Variants in PFKP observed in about 807,000 individuals in gnomAD.
PFKP encodes the protein ATP-dependent 6-phosphofructokinase, platelet type.
Under a neutral mutation model 94.3 loss-of-function variants are expected in PFKP, and 101 were observed. The ratio of observed to expected loss-of-function variants is 1.07; its 90% CI spans 0.91 to 1.26. The LOEUF is 1.26. Ranked by LOEUF, PFKP falls within the 50% of genes most tolerant of loss-of-function variation. The pLI, the probability that PFKP is intolerant of heterozygous loss-of-function variation, is 0.00. For synonymous variants in PFKP, 573 were observed against 432.6 expected (o/e 1.32, Z -4.03); for missense variants, 1,145 against 1,103.3 (o/e 1.04, Z -0.53).
chr10:3,067,757 G>C, intron 1 of PFKP, 50 bp downstream of exon 1: 1 of 1,021,384 alleles, frequency 9.8e-7, no homozygotes, highest in East Asian at 3.2e-5. Context: ...GACGGAGCTG[G>C]GGAGAACCGG....
intron 2 of PFKP, among the ~76,000 whole-genome samples, chr10:3,085,641 G>A (rs1267637185): frequency 0.12 from 1 of 8 alleles, no homozygotes; most frequent in Non-Finnish European, 0.25. Context: ...CCCCAGCACA[G>A]TCCCCCACCC....
chr10:3,119,914 T>C lies in PFKP; in HGVS notation c.1553T>C (p.Leu518Pro), dbSNP rs1446431828. ...CAGGCCTACCTGGGACTCCTGGAGC[T>C]GTCAGCCGCCCGGGAGAAGCACGAG... ...GFEAYLGLLELSAAREKHEEF... is the reference protein window; with the variant it reads ...GFEAYLGLLEPSAAREKHEEF... Residue 518 changes from leucine (L) to proline (P), a missense_variant, in exon 16 of 22, where the codon CTG (leucine) becomes CCG (proline). Around this residue, in one of 3 missense-constraint regions of PFKP, gnomAD observed 1,119 missense variants for 1,062.8 expected, o/e 1.05. Coordinates refer to ENST00000381125, the MANE Select transcript of PFKP (RefSeq NM_002627.5). The C allele has an allele frequency of 1.2e-6, 2 of 1,614,178 alleles. No homozygotes were observed. Among genetic ancestry groups the C allele is most frequent in the Non-Finnish European group, 1.7e-6 (2 of 1,180,014 alleles).
chr10:3,103,722 A>AC (rs1564302903), intron 4 of PFKP, 57 bp from the exon 5 acceptor site: 7 of 1,590,174 alleles, frequency 4.4e-6, no homozygotes, highest in Non-Finnish European at 3.4e-6. Flanking sequence ...CTAGTGGGGC[A>AC]CCCCCCGAAC....
At chr10:3,076,577 C>T (rs75981723) in intron 1 of PFKP, among the ~76,000 whole-genome samples, 3,516 of 152,190 alleles carry the variant, frequency 0.023, 136 homozygotes, top group African/African-American at 0.08. Flanking sequence ...TATTTTTCTC[C>T]TTAGCACTTA....
intron 10 of PFKP, among the ~76,000 whole-genome samples, chr10:3,110,659 GAA>G (rs978391456): frequency 6.6e-6 from 1 of 152,136 alleles, no homozygotes; most frequent in Non-Finnish European, 1.5e-5. Context: ...GCCCAAGGGA[GAA>G]AATAGTATTT....
In PFKP at chr10:3,103,828, G is replaced by A. The variant is rs1835262956; in HGVS notation, c.504G>A (p.Val168=). ...AVQKYAYLNV[V]GMVGSIDNDF... is the part of the protein sequence containing the mutation. ...AGAAGTACGCCTACCTCAACGTGGT[G>A]GGCATGGTGGGCTCCATCGACAATG... Residue 168 remains valine (V), a synonymous_variant, in exon 5 of 22, where the codon GTG becomes GTA. Transcript: ENST00000381125. 8 of 1,613,732 alleles carry A rather than the reference G, an allele frequency of 5.0e-6. No homozygotes were observed. In the East Asian group the frequency reaches 8.9e-5, roughly 18 times the overall value.
At chr10:3,105,927 T>C (rs1482994407) in intron 7 of PFKP, among the ~76,000 whole-genome samples, 1 of 152,176 alleles carries the variant, frequency 6.6e-6, no homozygotes, top group Non-Finnish European at 1.5e-5. Context: ...TCATGACCTC[T>C]TTAGGCTCAC....
In PFKP at chr10:3,124,393, G is replaced by A. The variant is rs189767931; in HGVS notation, c.1683+4349G>A. Among the ~76,000 whole-genome samples, 104 of 152,332 alleles carry A rather than the reference G, an allele frequency of 6.8e-4. 1 individual carries two copies. The highest frequency in any genetic ancestry group is 6.5e-3 in the Admixed American group (100 of 15,306). On this transcript the variant is annotated intron_variant, in intron 16 of 21. Transcript: ENST00000381125. ...CCTGAGGTGGAGTCTGAAAAACCCC[G>A]GTGTACACGGGCTCAAGAACCGCTC...
At chr10:3,072,599 G>A (rs957015515) in intron 1 of PFKP, among the ~76,000 whole-genome samples, 6 of 151,906 alleles carry the variant, frequency 3.9e-5, no homozygotes, top group African/African-American at 1.5e-4. Flanking sequence ...CATTTTCTGT[G>A]AATGCAGACC....
intron 1 of PFKP, among the ~76,000 whole-genome samples, chr10:3,072,318 C>T (rs915528250): frequency 7.9e-5 from 12 of 152,216 alleles, no homozygotes; most frequent in African/African-American, 2.9e-4. Flanking sequence ...ATTTATTGGA[C>T]ACCAGGCTTG....
intron 1 of PFKP, among the ~76,000 whole-genome samples, chr10:3,076,035 A>T (rs1318293311): frequency 3.6e-5 from 5 of 140,482 alleles, no homozygotes; most frequent in Non-Finnish European, 6.1e-5. Context: ...AAAAAAAAAA[A>T]AAAAAGTAAA....
At chr10:3,124,823 G>A (rs563844367) in intron 16 of PFKP, among the ~76,000 whole-genome samples, 2 of 146,578 alleles carry the variant, frequency 1.4e-5, no homozygotes, top group Non-Finnish European at 1.5e-5. Context: ...CCTGCAACCT[G>A]CTCCGTTGCC....
chr10:3,122,233 C>T (rs7913473), intron 16 of PFKP, among the ~76,000 whole-genome samples: 63,708 of 151,912 alleles, frequency 0.42, 13,609 homozygotes, highest in East Asian at 0.47. Flanking sequence ...GTCCTTGTTG[C>T]CCTTCTGATC....
chr10:3,076,386 C>G (rs907034519), intron 1 of PFKP, among the ~76,000 whole-genome samples: 3 of 152,148 alleles, frequency 2.0e-5, no homozygotes, highest in Non-Finnish European at 1.5e-5. Flanking sequence ...CGCCGCGCCC[C>G]CGCCCCAGCC....
Position 3,126,563 on chromosome 10 carries a change from C to A in PFKP, c.1684-3256C>A, listed in dbSNP as rs1309797210. Among the ~76,000 whole-genome samples, 3 of 152,196 alleles carry A rather than the reference C, an allele frequency of 2.0e-5. No homozygotes were observed. The East Asian group carries it at 5.8e-4, about 29-fold the overall frequency. On this transcript the variant is annotated intron_variant, in intron 16 of 21. Coordinates refer to ENST00000381125, the MANE Select transcript of PFKP (RefSeq NM_002627.5). The stretch of plus-strand genomic sequence containing the variant: ...TGCTGTAGCAGGGACAGGACCCCCA[C>A]CCCCTGTCCCGTCTGGCCACCGACT...
chr10:3,136,633 C>G lies in PFKP; in HGVS notation c.*54C>G, dbSNP rs925379817. ...CACCGTGGACTGTCTGTTTTTGTAA[C>G]ACTTAAGTTATTTTATCAGCACTTT... is the stretch of plus-strand genomic sequence containing the variant. On this transcript the variant is annotated 3_prime_UTR_variant, in exon 22 of 22. Transcript: ENST00000381125. 1 of 1,582,946 alleles carries G rather than the reference C, an allele frequency of 6.3e-7. No homozygotes were observed. The highest frequency in any genetic ancestry group is 8.6e-7 in the Non-Finnish European group (1 of 1,157,922).
chr10:3,124,277 G>A (rs574929112), intron 16 of PFKP, among the ~76,000 whole-genome samples: 4 of 152,342 alleles, frequency 2.6e-5, no homozygotes, highest in South Asian at 2.1e-4. Flanking sequence ...TTGCCACCAC[G>A]TGGATGTCAA....
chr10:3,099,114 T>G (rs1308002912), intron 2 of PFKP, among the ~76,000 whole-genome samples, 161 bp from the exon 3 acceptor site: 1 of 152,230 alleles, frequency 6.6e-6, no homozygotes, highest in Admixed American at 6.5e-5. Flanking sequence ...TTCCCACAAT[T>G]CACTGCTTTT....
intron 2 of PFKP, among the ~76,000 whole-genome samples, chr10:3,085,835 T>C (rs202203934): frequency 7.9e-5 from 1 of 12,702 alleles, no homozygotes; most frequent in Non-Finnish European, 1.8e-4. Context: ...CTCCCCAGCA[T>C]TGTCCTCCAC....
Sources: gnomAD v4.1 joint callset for allele counts (sites outside exome capture counted in the v4.1 genomes callset) on GRCh38, gnomAD v4.1.1 for gene constraint, gnomAD v4.1.1 regional missense constraint, MANE v1.5 for transcripts, NCBI Gene and HGNC (gene_info 2026-07-23, HGNC 2026-07-21) for gene names.